The following PCDHA6 variants were observed in gnomAD, a reference collection of about 807,000 sequenced individuals.
PCDHA6 encodes protocadherin alpha 6.
A neutral mutation model predicts 60.3 loss-of-function variants in PCDHA6; 55 were observed. The observed-to-expected ratio is 0.91, with a 90% confidence interval of 0.73 to 1.14. The LOEUF (loss-of-function observed/expected upper bound fraction) is 1.14. PCDHA6 is among the 50% of genes most tolerant of loss of function. The pLI is 0.00. For missense variants in PCDHA6, 1,327 were observed against 1,256.5 expected (o/e 1.06, Z -0.85); for synonymous variants, 652 against 557.9 (o/e 1.17, Z -2.38).
At chr5:140,903,487 A>G (rs2070330722) in intron 1 of PCDHA6, among the ~76,000 whole-genome samples, 1 of 152,242 alleles carries the variant, frequency 6.6e-6, no homozygotes, top group South Asian at 2.1e-4. Context: ...TATAGTTCTG[A>G]GCAGGTACCA....
chr5:140,853,476 A>G (rs2042763502), intron 1 of PCDHA6: 2 of 972,352 alleles, frequency 2.1e-6, no homozygotes, highest in South Asian at 4.8e-5. Context: ...TGTAGTTAAC[A>G]TTCCTCAATT....
In PCDHA6 at chr5:140,829,861, G is replaced by C. The variant is rs2150176439; in HGVS notation, c.1770G>C (p.Val590=). Residue 590 remains valine (V), a synonymous_variant, in exon 1 of 4, where the codon GTG becomes GTC. Coordinates refer to ENST00000529310, the MANE Select transcript of PCDHA6 (RefSeq NM_018909.4). ...CGCGGTCACTGGGTGCAGGCCAAGT[G>C]GTGGCGAAGGTGCGCGCAGTTGACG... is the stretch of plus-strand genomic sequence containing the variant. The part of the protein sequence containing the change: ...LVPRSLGAGQ[V]VAKVRAVDAD... The C allele has an allele frequency of 6.2e-7, 1 of 1,613,956 alleles. No homozygotes were observed. Among genetic ancestry groups the C allele is most frequent in the Non-Finnish European group, 8.5e-7 (1 of 1,179,896 alleles).
At chr5:140,876,028 A>G in intron 1 of PCDHA6, 1 of 1,613,716 alleles carries the variant, frequency 6.2e-7, no homozygotes, top group Non-Finnish European at 8.5e-7. Flanking sequence ...AAAAACAAAA[A>G]AAGATAAAAG....
chr5:140,851,536 A>G, intron 1 of PCDHA6: 1 of 906,554 alleles, frequency 1.1e-6, no homozygotes, highest in African/African-American at 1.8e-5. Context: ...GACAATGTAG[A>G]TAATTCAAGA....
Position 140,857,793 on chromosome 5 carries a change from G to A in PCDHA6, c.2394+27308G>A, listed in dbSNP as rs782663646. The A allele has an allele frequency of 5.0e-6, 8 of 1,597,706 alleles. No individual in the cohort carries two copies. The Middle Eastern group carries it at 6.9e-4, about 137-fold the overall frequency. ...GGTGCAGTCAGTGAGCTGGTGCTGC[G>A]GTCGGTGGTTGCGGGTCACGTGGTG... is the stretch of plus-strand genomic sequence containing the variant. On this transcript the variant is annotated intron_variant, in intron 1 of 3. Coordinates refer to ENST00000529310, the MANE Select transcript of PCDHA6 (RefSeq NM_018909.4).
chr5:140,869,332 G>T (rs1554162910), intron 1 of PCDHA6: 1 of 1,613,960 alleles, frequency 6.2e-7, no homozygotes, highest in South Asian at 1.1e-5. Context: ...CCTTCTGGAG[G>T]TAAATCTGCA....
At chr5:140,839,156 T>C (rs2150295146) in intron 1 of PCDHA6, among the ~76,000 whole-genome samples, 23 of 97,316 alleles carry the variant, frequency 2.4e-4, no homozygotes, top group Non-Finnish European at 4.5e-4. Flanking sequence ...TTTGCTGCTC[T>C]TGTTGAAAGA....
At chr5:140,858,550 C>G (rs1554151768) in intron 1 of PCDHA6, 1 of 1,392,416 alleles carries the variant, frequency 7.2e-7, no homozygotes, top group Non-Finnish European at 9.9e-7. Context: ...TCCATTTATG[C>G]TTGAATATTT....
At chr5:140,859,562 C>A in intron 1 of PCDHA6, 1 of 176,644 alleles carries the variant, frequency 5.7e-6, no homozygotes, top group Non-Finnish European at 1.2e-5. Flanking sequence ...ACACCAATGC[C>A]ATGAATTTGT....
Position 140,946,631 on chromosome 5 carries a change from T to TATATATATATATATATATATATACAC in PCDHA6, c.2395-32317_2395-32316insTATATATATATATATATATATACACA, listed in dbSNP as rs57893927. Among the ~76,000 whole-genome samples, 213 of 131,752 alleles carry TATATATATATATATATATATATACAC rather than the reference T, an allele frequency of 1.6e-3. 5 individuals carry two copies. The highest frequency in any genetic ancestry group is 6.6e-3 in the African/African-American group (188 of 28,632). The allele number at this position is 131,752 out of a possible 152,430, so 86.4% of individuals were successfully genotyped here. A position where few individuals can be genotyped will look rare whatever the true frequency, so the allele number is the denominator to read the frequency against. Reference sequence around the variant, plus strand: ...TGTGAAATATATATATATATATATATACAATGGAATACTCATCAGCCATTA... The same window carrying TATATATATATATATATATATATACAC: ...TGTGAAATATATATATATATATATATATATATATATATATATATATATACACACAATGGAATACTCATCAGCCATTA... On this transcript the variant is annotated intron_variant, in intron 1 of 3. Transcript: ENST00000529310.
In PCDHA6 at chr5:141,006,011, G is replaced by A. The variant is rs146101776; in HGVS notation, c.2543-3616G>A. Among the ~76,000 whole-genome samples the A allele has an allele frequency of 2.7e-3, 408 of 151,544 alleles. 2 individuals carry two copies. Among genetic ancestry groups the A allele is most frequent in the African/African-American group, 8.8e-3 (365 of 41,422 alleles). Reference sequence around the variant, plus strand: ...GAGGATCTGAAAGAAGGCCTGTATGGTTGGAGTATAATAGTAAGAGGGAGA... The same window carrying A: ...GAGGATCTGAAAGAAGGCCTGTATGATTGGAGTATAATAGTAAGAGGGAGA... On this transcript the variant is annotated intron_variant, in intron 3 of 3. Coordinates refer to ENST00000529310, the MANE Select transcript of PCDHA6 (RefSeq NM_018909.4).
chr5:140,960,740 C>T (rs949372581), intron 1 of PCDHA6, among the ~76,000 whole-genome samples: 1 of 151,868 alleles, frequency 6.6e-6, no homozygotes, highest in South Asian at 2.1e-4. Flanking sequence ...GATTTTAGTC[C>T]ATGGCTAAAA....
chr5:140,923,396 T>C (rs2081343835), intron 1 of PCDHA6, among the ~76,000 whole-genome samples: 1 of 152,058 alleles, frequency 6.6e-6, no homozygotes, highest in Non-Finnish European at 1.5e-5. Context: ...GGCATGGTGG[T>C]GTGTGCCTAT....
chr5:140,829,476 T>C lies in PCDHA6; in HGVS notation c.1385T>C (p.Val462Ala). 6.2e-7 allele frequency: 1 copy of C among 1,613,798 alleles called. No individual in the cohort carries two copies. Among genetic ancestry groups the C allele is most frequent in the South Asian group, 1.1e-5 (1 of 91,064 alleles). ...GCGTTCGCGCAGCCCGAGTACACAG[T>C]GTTCGTGAAGGAGAACAACCCGCCG... ...APAFAQPEYT[V>A]FVKENNPPGC... Residue 462 changes from valine (V) to alanine (A), a missense_variant, in exon 1 of 4, where the codon GTG (valine) becomes GCG (alanine). By Grantham distance (64) the Val-to-Ala change is moderately conservative. Transcript: ENST00000529310.
At chr5:140,892,158 T>C (rs1442080527) in intron 1 of PCDHA6, among the ~76,000 whole-genome samples, 1 of 152,242 alleles carries the variant, frequency 6.6e-6, no homozygotes, top group Non-Finnish European at 1.5e-5. Context: ...ATTTCTGATA[T>C]GTCCAGTAAC....
Position 140,883,846 on chromosome 5 carries a change from G to A in PCDHA6, c.2394+53361G>A, listed in dbSNP as rs782516685. On this transcript the variant is annotated intron_variant, in intron 1 of 3. Coordinates refer to ENST00000529310, the MANE Select transcript of PCDHA6 (RefSeq NM_018909.4). ...ACGCGCTGCAGCCGTTGGACCACGA[G>A]GAGCTGGAGCTGTTGCAGTTCCAGG... is the stretch of plus-strand genomic sequence containing the variant. The A allele has an allele frequency of 6.8e-6, 11 of 1,612,790 alleles. 1 individual carries two copies. In the Admixed American group the frequency reaches 1.7e-4, roughly 24 times the overall value.
At chr5:140,884,301 C>G (rs375535055) in intron 1 of PCDHA6, 2 of 1,613,726 alleles carry the variant, frequency 1.2e-6, no homozygotes, top group South Asian at 1.1e-5. Context: ...GCGCCACAGG[C>G]TTCGTCGAGG....
At chr5:140,938,631 T>C (rs1554212262) in intron 1 of PCDHA6, among the ~76,000 whole-genome samples, 1 of 152,208 alleles carries the variant, frequency 6.6e-6, no homozygotes. Context: ...AGGTTGCTTA[T>C]GATGTATAAT....
chr5:140,853,351 C>T, intron 1 of PCDHA6: 1 of 982,872 alleles, frequency 1.0e-6, no homozygotes, highest in Non-Finnish European at 1.2e-6. Context: ...CAAACATGAA[C>T]TCACAGGGAT....
Sources: gnomAD v4.1 joint callset for allele counts (sites outside exome capture counted in the v4.1 genomes callset) on GRCh38, gnomAD v4.1.1 for gene constraint, MANE v1.5 for transcripts, NCBI Gene and HGNC (gene_info 2026-07-23, HGNC 2026-07-21) for gene names.